Variants in PIAS1 observed in about 807,000 individuals in gnomAD.
The protein encoded by PIAS1 is protein inhibitor of activated STAT 1.
In PIAS1, 6 loss-of-function variants were observed where a neutral mutation model predicts 71.3. The observed-to-expected ratio is 0.08, with a 90% confidence interval of 0.05 to 0.17. The LOEUF (loss-of-function observed/expected upper bound fraction) is 0.17. Ranked by LOEUF, PIAS1 falls within the 10% of genes least tolerant of loss-of-function variation. PIAS1 has a pLI of 1.00. For missense variants in PIAS1, 555 were observed against 793.6 expected (o/e 0.70, Z 3.61); for synonymous variants, 303 against 292.9 (o/e 1.03, Z -0.35).
chr15:68,097,785 T>C (rs1307124263), intron 2 of PIAS1, among the ~76,000 whole-genome samples: 1 of 152,202 alleles, frequency 6.6e-6, no homozygotes, highest in Non-Finnish European at 1.5e-5. Flanking sequence ...GATGATTGTA[T>C]AGTTTTTCCC....
intron 2 of PIAS1, among the ~76,000 whole-genome samples, chr15:68,096,677 T>C (rs991182161): frequency 6.6e-6 from 1 of 152,178 alleles, no homozygotes; most frequent in Admixed American, 6.5e-5. Context: ...TTCTTGATGC[T>C]ACTGAAAATT....
At chr15:68,160,162 T>C (rs1203585830) in intron 7 of PIAS1, among the ~76,000 whole-genome samples, 1 of 152,188 alleles carries the variant, frequency 6.6e-6, no homozygotes, top group East Asian at 1.9e-4. Context: ...TGTCATGCTT[T>C]TGATATATTA....
chr15:68,172,396 AG>A (rs1205253177), intron 8 of PIAS1, among the ~76,000 whole-genome samples: 1 of 152,132 alleles, frequency 6.6e-6, no homozygotes, highest in Admixed American at 6.6e-5. Context: ...TGTCTTTATA[AG>A]TAGCATGATT....
At chr15:68,130,830 A>G (rs1267202070) in intron 2 of PIAS1, among the ~76,000 whole-genome samples, 2 of 152,206 alleles carry the variant, frequency 1.3e-5, no homozygotes, top group African/African-American at 4.8e-5. Flanking sequence ...TATATCCTCT[A>G]TCCAGAAGTC....
chr15:68,068,449 G>A lies in PIAS1; in HGVS notation c.24+14099G>A, dbSNP rs542227222. ...AGTTAATTACCACAGTGATTTACCC[G>A]GGGTTAAGTCTTTTTTTTTGAGACT... is the stretch of plus-strand genomic sequence containing the variant. On this transcript the variant is annotated intron_variant, in intron 1 of 13. Transcript: ENST00000249636. Among the ~76,000 whole-genome samples, 6 of 152,188 alleles carry A rather than the reference G, an allele frequency of 3.9e-5. 1 individual carries two copies. The highest frequency in any genetic ancestry group is 1.2e-4 in the African/African-American group (5 of 41,522).
chr15:68,055,298 G>T (rs893844686), intron 1 of PIAS1: 28 of 756,956 alleles, frequency 3.7e-5, no homozygotes, highest in Non-Finnish European at 4.2e-5. Context: ...TGGCCATGTT[G>T]ATTTGAACGA....
intron 8 of PIAS1, 64 bp downstream of exon 8, chr15:68,164,868 AT>A: frequency 1.2e-6 from 1 of 845,724 alleles, no homozygotes; most frequent in Non-Finnish European, 1.9e-6. Flanking sequence ...TTTATTAAGT[AT>A]TTTTACTATT....
intron 11 of PIAS1, among the ~76,000 whole-genome samples, chr15:68,180,453 T>C (rs912452001): frequency 7.2e-5 from 9 of 124,824 alleles, no homozygotes; most frequent in African/African-American, 2.5e-4. Context: ...TTTCCCTTAA[T>C]TGTTAGTAAA....
chr15:68,183,532 T>C (rs757819872), intron 12 of PIAS1, 98 bp from the exon 13 acceptor site: 10 of 610,278 alleles, frequency 1.6e-5, no homozygotes, highest in South Asian at 5.2e-5. Flanking sequence ...CTGAGTGACA[T>C]AGCATATAAG....
chr15:68,128,624 A>C (rs973540454), intron 2 of PIAS1, among the ~76,000 whole-genome samples: 1 of 152,204 alleles, frequency 6.6e-6, no homozygotes, highest in Non-Finnish European at 1.5e-5. Flanking sequence ...AGATTCTAAA[A>C]ATATGACTGT....
rs2091873473 is a variant in PIAS1, at chr15:68,054,536, G to A, written c.24+186G>A. 1.9e-6 allele frequency: 1 copy of A among 534,170 alleles called. No individual in the cohort carries two copies. Among genetic ancestry groups the A allele is most frequent in the East Asian group, 3.5e-5 (1 of 28,952 alleles). The allele number at this position is 534,170 out of a possible 1,614,324, so 33.1% of individuals were successfully genotyped here. On this transcript the variant is annotated intron_variant, in intron 1 of 13. Transcript: ENST00000249636. The surrounding 1 kb of genome is among the most constrained non-coding windows in gnomAD (Gnocchi z 4.6). ...CGCCTGCGGCGGGCCGCGGGCCCCG[G>A]GTGCCTCGGGGGCGCTGACGGGTCG...
At chr15:68,060,150 A>G (rs1304751582) in intron 1 of PIAS1, among the ~76,000 whole-genome samples, 1 of 152,184 alleles carries the variant, frequency 6.6e-6, no homozygotes, top group Non-Finnish European at 1.5e-5. Flanking sequence ...ATACTATTCT[A>G]TGAATAGTAG....
At position 68,086,416 on chromosome 15, in the gene PIAS1, A is replaced by G. The variant is rs1310479109; in HGVS notation, c.135A>G (p.Leu45=). The change falls in exon 2 of 14, where the codon CTA becomes CTG. Residue 45 remains leucine (L), a synonymous_variant. Transcript: ENST00000249636. The surrounding 1 kb of genome is among the most constrained non-coding windows in gnomAD (Gnocchi z 7.2). ...HELLTKALHL[L]KAGCSPAVQM... ...TTCTCACAAAAGCCCTGCATTTGCT[A>G]AAGGCTGGCTGTAGTCCTGCTGTGC... 3 of 1,613,928 alleles carry G rather than the reference A, an allele frequency of 1.9e-6. No homozygotes were observed. The highest frequency in any genetic ancestry group is 2.5e-6 in the Non-Finnish European group (3 of 1,179,858).
chr15:68,105,293 C>CTT (rs1567043792), intron 2 of PIAS1, among the ~76,000 whole-genome samples: 1 of 152,102 alleles, frequency 6.6e-6, no homozygotes. Flanking sequence ...ATCTAGGTTA[C>CTT]TTTTAGATAA....
At chr15:68,137,895 G>T (rs1244746918) in intron 2 of PIAS1, among the ~76,000 whole-genome samples, 2 of 152,044 alleles carry the variant, frequency 1.3e-5, no homozygotes, top group Non-Finnish European at 2.9e-5. Context: ...GTAATCCCAG[G>T]ACTTTGGGAG....
chr15:68,168,456 T>C (rs959919850), intron 8 of PIAS1, among the ~76,000 whole-genome samples: 3 of 152,304 alleles, frequency 2.0e-5, no homozygotes, highest in South Asian at 2.1e-4. Flanking sequence ...GTTACTAATA[T>C]AGATAGCACT....
Position 68,134,557 on chromosome 15 carries a change from T to G in PIAS1, c.470-7389T>G, listed in dbSNP as rs1164643189. Reference sequence around the variant, plus strand: ...GGCAGAGGGGATCCTCACTTCCCAGTAGGGGCGGCCGGGCAGAGGCGCCCC... The same window carrying G: ...GGCAGAGGGGATCCTCACTTCCCAGGAGGGGCGGCCGGGCAGAGGCGCCCC... On this transcript the variant is annotated intron_variant, in intron 2 of 13. Transcript: ENST00000249636. Among the ~76,000 whole-genome samples the G allele has an allele frequency of 5.2e-5, 2 of 38,398 alleles. 1 individual carries two copies. The highest frequency in any genetic ancestry group is 2.0e-4 in the Non-Finnish European group (2 of 9,926). The allele number at this position is 38,398 out of a possible 152,430, so 25.2% of individuals were successfully genotyped here.
In PIAS1 at chr15:68,071,311, G is replaced by A. The variant is rs191671772; in HGVS notation, c.25-14995G>A. On this transcript the variant is annotated intron_variant, in intron 1 of 13. Coordinates refer to ENST00000249636, the MANE Select transcript of PIAS1 (RefSeq NM_016166.3). Reference sequence around the variant, plus strand: ...TGACAGAGTCTCACTCTGTCGCCCAGGTTTAAGCAATTCTCTGCTTCAGCC... The same window carrying A: ...TGACAGAGTCTCACTCTGTCGCCCAAGTTTAAGCAATTCTCTGCTTCAGCC... Among the ~76,000 whole-genome samples, 3 of 143,570 alleles carry A rather than the reference G, an allele frequency of 2.1e-5. No individual in the cohort carries two copies. The East Asian group carries it at 6.5e-4, about 31-fold the overall frequency. 94.2% of individuals were successfully genotyped at this position (143,570 alleles called of 152,430 possible).
chr15:68,095,624 G>A (rs2092368245), intron 2 of PIAS1, among the ~76,000 whole-genome samples: 1 of 150,142 alleles, frequency 6.7e-6, no homozygotes, highest in Admixed American at 6.7e-5. Context: ...TCTGCCTCCC[G>A]GGTTCAAGCA....
Sources: allele counts gnomAD v4.1 joint callset (sites outside exome capture counted in the v4.1 genomes callset), GRCh38; gene constraint gnomAD v4.1.1; non-coding constraint Gnocchi (gnomAD v3.1); transcripts MANE v1.5; gene names NCBI Gene and HGNC (gene_info 2026-07-23, HGNC 2026-07-21).